ATG13: variants seen among roughly 807,000 people sequenced by gnomAD.
ATG13 encodes the protein autophagy related 13, also known as autophagy-related protein 13.
ATG13 carries 23 observed loss-of-function variants against 65.5 expected under a neutral mutation model. The ratio of observed to expected loss-of-function variants is 0.35; its 90% CI spans 0.25 to 0.50. The LOEUF (loss-of-function observed/expected upper bound fraction) is 0.50. Among genes scored for constraint, ATG13 ranks in the 20% least tolerant of loss-of-function variants. The pLI is 0.98. For missense variants in ATG13, 566 were observed against 677.0 expected (o/e 0.84, Z 1.82); for synonymous variants, 252 against 245.2 (o/e 1.03, Z -0.26).
Position 46,667,793 on chromosome 11 carries a change from C to A in ATG13, c.1157C>A (p.Ser386Ter). 6.2e-7 allele frequency: 1 copy of A among 1,609,010 alleles called. No individual in the cohort carries two copies. Among genetic ancestry groups the A allele is most frequent in the Non-Finnish European group, 8.5e-7 (1 of 1,175,848 alleles). The change falls in exon 15 of 19, where the codon TCA (serine) becomes TAA (stop). Residue 386 changes from serine (S) to a stop codon, truncating the protein, a stop_gained. Coordinates refer to ENST00000683050, the MANE Select transcript of ATG13 (RefSeq NM_001346311.2). LOFTEE classifies it high-confidence loss of function. ...TCCAGTGAGGATACTGAAACCGTAT[C>A]AAACAGCAGTGAGGGACGGGCCTCC... ...PSSSEDTETVSNSSEGRASPH... is the reference protein window; with the variant it reads ...PSSSEDTETV
chr11:46,639,890 G>A (rs1343739174), intron 2 of ATG13, among the ~76,000 whole-genome samples: 1 of 123,042 alleles, frequency 8.1e-6, no homozygotes, highest in Non-Finnish European at 1.7e-5. Flanking sequence ...GTCTTGCTCT[G>A]TCCCCCATGT....
At chr11:46,651,595 C>T (rs949213723) in intron 7 of ATG13, among the ~76,000 whole-genome samples, 1 of 152,126 alleles carries the variant, frequency 6.6e-6, no homozygotes, top group Admixed American at 6.5e-5. Flanking sequence ...AAGCCTTTGC[C>T]TTACATGTAT....
At chr11:46,669,811 G>A (rs1312590246) in intron 18 of ATG13, among the ~76,000 whole-genome samples, 1 of 151,996 alleles carries the variant, frequency 6.6e-6, no homozygotes, top group Non-Finnish European at 1.5e-5. Context: ...ATGCCACTAG[G>A]CCAAGTTGCT....
In ATG13 at chr11:46,657,110, G is replaced by A. The variant is rs1442396941; in HGVS notation, c.515G>A (p.Arg172His). Residue 172 changes from arginine to histidine, a missense_variant, in exon 9 of 19, where the codon CGT becomes CAT. Arg to His is a conservative substitution (Grantham distance 29). Coordinates refer to ENST00000683050, the MANE Select transcript of ATG13 (RefSeq NM_001346311.2). ...CTTCTCCTAGGCTTCCAGACAGTTCGTGTTGGGACAGTGGGCACCCCTGTG... is the reference window on the plus strand; with the variant it reads ...CTTCTCCTAGGCTTCCAGACAGTTCATGTTGGGACAGTGGGCACCCCTGTG... ...SGLGEGFQTV[R>H]VGTVGTPVGT... 3.1e-6 allele frequency: 5 copies of A among 1,613,980 alleles called. No individual in the cohort carries two copies. The highest frequency in any genetic ancestry group is 1.1e-5 in the South Asian group (1 of 91,080).
chr11:46,663,510 A>G (rs1378721660), intron 11 of ATG13, among the ~76,000 whole-genome samples: 1 of 151,892 alleles, frequency 6.6e-6, no homozygotes, highest in Non-Finnish European at 1.5e-5. Context: ...AGTTCCAGCC[A>G]CCCCTTCAGC....
At chr11:46,641,609 G>A (rs1400965833) in intron 2 of ATG13, among the ~76,000 whole-genome samples, 6 of 152,178 alleles carry the variant, frequency 3.9e-5, no homozygotes, top group Non-Finnish European at 8.8e-5. Flanking sequence ...TGGATTTATA[G>A]ACTGAGAGGG....
Position 46,669,476 on chromosome 11 carries a change from C to A in ATG13, c.1519C>A (p.Pro507Thr). 6.2e-7 allele frequency: 1 copy of A among 1,614,164 alleles called. No individual in the cohort carries two copies. Among genetic ancestry groups the A allele is most frequent in the Non-Finnish European group, 8.5e-7 (1 of 1,180,006 alleles). Reference sequence around the variant, plus strand: ...CTTCTATCGGGAGTTTCAGAACCCACCTCAGCTGAGCAGCCTCTCCATAGA... The same window carrying A: ...CTTCTATCGGGAGTTTCAGAACCCAACTCAGCTGAGCAGCCTCTCCATAGA... ...GTFYREFQNP[P>T]QLSSLSIDIG... The change falls in exon 18 of 19, where the codon CCT (proline) becomes ACT (threonine). Residue 507 changes from proline to threonine, a missense_variant. Coordinates refer to ENST00000683050, the MANE Select transcript of ATG13 (RefSeq NM_001346311.2).
rs2058618052 is a variant in ATG13 at position 46,650,185 on chromosome 11, A to C, written c.326A>C (p.Lys109Thr). Residue 109 changes from lysine (K) to threonine (T), a missense_variant, in exon 7 of 19, where the codon AAA becomes ACA. Physicochemically the swap from Lys to Thr is moderately conservative, Grantham distance 78. This residue lies in a region of ATG13 where 179 missense variants were observed against 267.2 expected (regional missense o/e 0.67). Coordinates refer to ENST00000683050, the MANE Select transcript of ATG13 (RefSeq NM_001346311.2). ...WCLEMNEKCDKEIKVSYTVYN... is the reference protein window; with the variant it reads ...WCLEMNEKCDTEIKVSYTVYN... Reference sequence around the variant, plus strand: ...ATCTTTGTGCCTGGCAGGTGTGATAAAGAAATCAAAGTTTCCTACACGGTG... The same window carrying C: ...ATCTTTGTGCCTGGCAGGTGTGATACAGAAATCAAAGTTTCCTACACGGTG... The C allele has an allele frequency of 1.2e-6, 2 of 1,613,696 alleles. No homozygotes were observed. The highest frequency in any genetic ancestry group is 2.7e-5 in the African/African-American group (2 of 74,922).
At chr11:46,650,098 A>G in intron 6 of ATG13, 79 bp from the exon 7 acceptor site, 7 of 1,495,148 alleles carry the variant, frequency 4.7e-6, no homozygotes, top group East Asian at 2.3e-5. Context: ...TAGTCAGAAC[A>G]TGTCTTAATA....
At chr11:46,663,946 T>A in intron 11 of ATG13, 51 bp from the exon 12 acceptor site, 3 of 238,512 alleles carry the variant, frequency 1.3e-5, no homozygotes, top group South Asian at 9.4e-5. Flanking sequence ...GTCCCTTTTC[T>A]TTTTTTTTTT....
At chr11:46,641,064 C>G (rs914623015) in intron 2 of ATG13, among the ~76,000 whole-genome samples, 10 of 152,150 alleles carry the variant, frequency 6.6e-5, no homozygotes, top group African/African-American at 2.4e-4. Context: ...AAATGTTTAT[C>G]ATCAGTAGAA....
At chr11:46,624,361 A>G (rs1301558114) in intron 1 of ATG13, among the ~76,000 whole-genome samples, 1 of 152,176 alleles carries the variant, frequency 6.6e-6, no homozygotes, top group Non-Finnish European at 1.5e-5. Flanking sequence ...TTGGGTTCAA[A>G]TGTTGCCAGT....
At position 46,668,788 on chromosome 11, in the gene ATG13, A is replaced by C. The variant is rs1237537967; in HGVS notation, c.1330-6A>C. 1 of 1,608,204 alleles carries C rather than the reference A, an allele frequency of 6.2e-7. No individual in the cohort carries two copies. The highest frequency in any genetic ancestry group is 1.3e-5 in the African/African-American group (1 of 74,828). ...TCAGCCCTAATCCTGCCTTGCTATG[A>C]AACAGGTGAATCCTCCAGATTCCCC... On this transcript the variant is annotated splice_polypyrimidine_tract_variant and splice_region_variant and intron_variant, in intron 16 of 18. Transcript: ENST00000683050.
chr11:46,620,806 C>T (rs559836763), intron 1 of ATG13, among the ~76,000 whole-genome samples: 1 of 152,044 alleles, frequency 6.6e-6, no homozygotes, highest in South Asian at 2.1e-4. Context: ...AATTAACGTG[C>T]ATGGTTGACT....
chr11:46,641,384 A>AAT (rs1261972771), intron 2 of ATG13, among the ~76,000 whole-genome samples: 1 of 152,162 alleles, frequency 6.6e-6, no homozygotes, highest in Non-Finnish European at 1.5e-5. Flanking sequence ...ATTTATTTTT[A>AAT]ATATTACGTT....
intron 18 of ATG13, among the ~76,000 whole-genome samples, chr11:46,670,306 C>A (rs1043841011): frequency 6.6e-6 from 1 of 151,638 alleles, no homozygotes; most frequent in Non-Finnish European, 1.5e-5. Context: ...CATGGTGAAA[C>A]CCCGTCTCTA....
At chr11:46,666,834 A>G (rs561345595) in intron 14 of ATG13, among the ~76,000 whole-genome samples, 1 of 151,930 alleles carries the variant, frequency 6.6e-6, no homozygotes, top group Admixed American at 6.6e-5. Context: ...CACATTCTAA[A>G]TGAACTTTCT....
At chr11:46,660,342 A>G (rs1452375460) in intron 11 of ATG13, among the ~76,000 whole-genome samples, 1 of 150,334 alleles carries the variant, frequency 6.7e-6, no homozygotes, top group East Asian at 1.9e-4. Flanking sequence ...AGGACCAGAC[A>G]AATTCATTAG....
intron 1 of ATG13, among the ~76,000 whole-genome samples, chr11:46,628,926 C>T (rs2050664040): frequency 6.8e-6 from 1 of 146,116 alleles, no homozygotes; most frequent in Admixed American, 6.8e-5. Context: ...CCAAGCAATA[C>T]TGATCTGTTT....
Sources: gnomAD v4.1 joint callset for allele counts (sites outside exome capture counted in the v4.1 genomes callset) on GRCh38, gnomAD v4.1.1 for gene constraint, gnomAD v4.1.1 regional missense constraint, MANE v1.5 for transcripts, NCBI Gene and HGNC (gene_info 2026-07-23, HGNC 2026-07-21) for gene names.